SLC25A21: variants seen among roughly 807,000 people sequenced by gnomAD.
SLC25A21 encodes solute carrier family 25 member 21, also known as mitochondrial 2-oxodicarboxylate carrier.
Under a neutral mutation model 43.8 loss-of-function variants are expected in SLC25A21, and 47 were observed. The observed-to-expected ratio is 1.07, with a 90% confidence interval of 0.85 to 1.37. The LOEUF (loss-of-function observed/expected upper bound fraction) is 1.37. Ranked by LOEUF, SLC25A21 falls within the 40% of genes most tolerant of loss-of-function variation. SLC25A21 has a pLI of 0.00. For missense variants in SLC25A21, 352 were observed against 350.2 expected (o/e 1.00, Z -0.04); for synonymous variants, 131 against 121.3 (o/e 1.08, Z -0.52).
At chr14:36,710,359 G>A (rs1883790422) in intron 7 of SLC25A21, among the ~76,000 whole-genome samples, 1 of 150,820 alleles carries the variant, frequency 6.6e-6, no homozygotes, top group Non-Finnish European at 1.5e-5. Context: ...GGTGACAAGA[G>A]TGAAACTCTG....
At chr14:37,052,741 C>T (rs1961736445) in intron 1 of SLC25A21, among the ~76,000 whole-genome samples, 2 of 151,978 alleles carry the variant, frequency 1.3e-5, no homozygotes, top group Admixed American at 6.6e-5. Flanking sequence ...CAGGTTCAAG[C>T]GATTCTTGTG....
chr14:36,721,038 G>A (rs1427141280), intron 6 of SLC25A21, among the ~76,000 whole-genome samples: 4 of 152,146 alleles, frequency 2.6e-5, no homozygotes, highest in Admixed American at 6.5e-5. Flanking sequence ...AATATTAATT[G>A]GAGCAATATC....
rs569258237 is a variant in SLC25A21, at chr14:36,680,655, C to A, written c.*3G>T. 6.2e-7 allele frequency: 1 copy of A among 1,611,830 alleles called. No homozygotes were observed. The highest frequency in any genetic ancestry group is 8.5e-7 in the Non-Finnish European group (1 of 1,178,956). ...TCAAGGGGGAAAAACACTTCATAGG[C>A]AATCACCAGTTCTCTTGAAGCCATG... On this transcript the variant is annotated 3_prime_UTR_variant, in exon 10 of 10. Coordinates refer to ENST00000331299, the MANE Select transcript of SLC25A21 (RefSeq NM_030631.4).
intron 1 of SLC25A21, among the ~76,000 whole-genome samples, chr14:36,973,376 T>C (rs964127412): frequency 6.6e-6 from 1 of 152,108 alleles, no homozygotes; most frequent in African/African-American, 2.4e-5. Flanking sequence ...GTGAGAAACA[T>C]AGCGGAGGCT....
intron 3 of SLC25A21, among the ~76,000 whole-genome samples, chr14:36,789,846 AT>A (rs1222667280): frequency 1.2e-5 from 1 of 85,668 alleles, no homozygotes; most frequent in East Asian, 3.0e-4. Context: ...TATTTAATAT[AT>A]TTTATATATT....
rs1308698136 is a variant in SLC25A21 at position 37,075,041 on chromosome 14, T to C, written c.70+97240A>G. Among the ~76,000 whole-genome samples, 6 of 152,152 alleles carry C rather than the reference T, an allele frequency of 3.9e-5. No individual in the cohort carries two copies. The East Asian group carries it at 7.7e-4, about 20-fold the overall frequency. On this transcript the variant is annotated intron_variant, in intron 1 of 9. Transcript: ENST00000331299. Reference sequence around the variant, plus strand: ...CCCTGTGAAGTTAATATTTTGACCATAGATGAAGGTTTCCTGTGCAAATAC... The same window carrying C: ...CCCTGTGAAGTTAATATTTTGACCACAGATGAAGGTTTCCTGTGCAAATAC...
chr14:36,966,054 A>G (rs574263999), intron 1 of SLC25A21, among the ~76,000 whole-genome samples: 2 of 152,350 alleles, frequency 1.3e-5, no homozygotes, highest in African/African-American at 4.8e-5. Context: ...TTAAGGAATT[A>G]AACTCTTAAA....
intron 2 of SLC25A21, among the ~76,000 whole-genome samples, chr14:36,847,289 T>C (rs712370): frequency 0.37 from 55,559 of 152,006 alleles, 10,608 homozygotes; most frequent in African/African-American, 0.48. Context: ...TCAGGTGAAT[T>C]AGATAATTCC....
intron 1 of SLC25A21, among the ~76,000 whole-genome samples, chr14:37,014,954 T>C (rs1960814090): frequency 6.6e-6 from 1 of 152,112 alleles, no homozygotes; most frequent in Non-Finnish European, 1.5e-5. Flanking sequence ...GCTTAAGATA[T>C]TCAGTAAACC....
chr14:36,902,156 G>A (rs1891413899), intron 1 of SLC25A21, among the ~76,000 whole-genome samples: 1 of 152,170 alleles, frequency 6.6e-6, no homozygotes, highest in African/African-American at 2.4e-5. Flanking sequence ...ACACTATGCA[G>A]GAAGAATGAA....
intron 1 of SLC25A21, among the ~76,000 whole-genome samples, chr14:36,993,883 G>A (rs963439664): frequency 7.2e-5 from 11 of 152,034 alleles, no homozygotes; most frequent in Admixed American, 1.3e-4. Context: ...GACTACATTC[G>A]ATGAGAATTG....
At position 36,725,525 on chromosome 14, in the gene SLC25A21, A is replaced by AAATT. The variant is rs764396344; in HGVS notation, c.438+41_438+44dup. 40 of 635,346 alleles carry AAATT rather than the reference A, an allele frequency of 6.3e-5. 1 individual carries two copies. Among genetic ancestry groups the AAATT allele is most frequent in the East Asian group, 4.4e-4 (11 of 25,248 alleles). The allele number at this position is 635,346 out of a possible 1,614,324, so 39.4% of individuals were successfully genotyped here. ...TAAATAAATAAATAAATAAATAAAT[A>AAATT]AATTTTTACATGCCCCTAACAATAG... On this transcript the variant is annotated intron_variant, in intron 6 of 9. Coordinates refer to ENST00000331299, the MANE Select transcript of SLC25A21 (RefSeq NM_030631.4).
chr14:36,954,470 A>G (rs1407527553), intron 1 of SLC25A21, among the ~76,000 whole-genome samples: 1 of 150,814 alleles, frequency 6.6e-6, no homozygotes, highest in Non-Finnish European at 1.5e-5. Flanking sequence ...TTTTCTTTAT[A>G]AGGAAAACAC....
intron 1 of SLC25A21, among the ~76,000 whole-genome samples, chr14:36,883,701 G>C (rs533039946): frequency 3.8e-4 from 58 of 152,076 alleles, no homozygotes; most frequent in Admixed American, 9.8e-4. Flanking sequence ...TACAATTATG[G>C]GATTCCATTT....
intron 1 of SLC25A21, among the ~76,000 whole-genome samples, chr14:37,139,684 T>TTAAA (rs1963538830): frequency 6.6e-6 from 1 of 152,202 alleles, no homozygotes. Flanking sequence ...AACTGACTCC[T>TTAAA]ATGTTACGCT....
At chr14:37,039,393 G>T (rs1961396242) in intron 1 of SLC25A21, among the ~76,000 whole-genome samples, 1 of 152,090 alleles carries the variant, frequency 6.6e-6, no homozygotes, top group African/African-American at 2.4e-5. Context: ...CCCCCAAAAT[G>T]TATTCATTCC....
At chr14:36,938,378 C>T (rs1156433087) in intron 1 of SLC25A21, among the ~76,000 whole-genome samples, 3 of 152,174 alleles carry the variant, frequency 2.0e-5, no homozygotes, top group Admixed American at 2.0e-4. Context: ...TGCAGGATGA[C>T]ACAGCTCTTC....
At chr14:36,695,269 T>C (rs1882967200) in intron 7 of SLC25A21, among the ~76,000 whole-genome samples, 2 of 152,330 alleles carry the variant, frequency 1.3e-5, no homozygotes, top group Non-Finnish European at 1.5e-5. Flanking sequence ...CATTGGTCTA[T>C]ATCTCTGTTT....
At chr14:36,997,494 T>C (rs943818663) in intron 1 of SLC25A21, among the ~76,000 whole-genome samples, 1 of 152,180 alleles carries the variant, frequency 6.6e-6, no homozygotes, top group Non-Finnish European at 1.5e-5. Context: ...AGATGAGAAG[T>C]AAATGTTTGA....
Sources: gnomAD v4.1 joint callset for allele counts (sites outside exome capture counted in the v4.1 genomes callset) on GRCh38, gnomAD v4.1.1 for gene constraint, MANE v1.5 for transcripts, NCBI Gene and HGNC (gene_info 2026-07-23, HGNC 2026-07-21) for gene names.